PIK3AP1: variants seen among roughly 807,000 people sequenced by gnomAD.
The protein encoded by PIK3AP1 is phosphoinositide-3-kinase adaptor protein 1.
In PIK3AP1, 21 loss-of-function variants were observed where a neutral mutation model predicts 88.1. The ratio of observed to expected loss-of-function variants is 0.24; its 90% confidence interval spans 0.17 to 0.34. The LOEUF (loss-of-function observed/expected upper bound fraction) is 0.34, where lower values mean the gene tolerates loss of function less well. PIK3AP1 is among the 10% of genes least tolerant of loss of function. The probability of loss-of-function intolerance (pLI) is 1.00; values close to 1 mark genes in which losing one functional copy is unlikely to be tolerated. For missense variants in PIK3AP1, 828 were observed against 1,035.7 expected (o/e 0.80, Z 2.75); for synonymous variants, 398 against 400.0 (o/e 1.00, Z 0.06).
chr10:96,720,507 G>A lies in PIK3AP1; in HGVS notation c.-113C>T. 1 of 986,012 alleles carries A rather than the reference G, an allele frequency of 1.0e-6. No homozygotes were observed. The highest frequency in any genetic ancestry group is 1.3e-6 in the Non-Finnish European group (1 of 778,278). 61.1% of individuals were successfully genotyped at this position (986,012 alleles called of 1,614,324 possible). A position where few individuals can be genotyped will look rare whatever the true frequency, so the allele number is the denominator to read the frequency against. On this transcript the variant is annotated 5_prime_UTR_variant, in exon 1 of 17. Transcript: ENST00000339364. The surrounding 1 kb of genome is among the most constrained non-coding windows in gnomAD (Gnocchi z 4.6). The stretch of plus-strand genomic sequence containing the variant: ...CGCCGGGCTCCGCGCGGGACCGGCC[G>A]CCGCTCTGGCGCTTCCTCCCTCAGG...
chr10:96,707,498 T>C (rs907908624), intron 2 of PIK3AP1, among the ~76,000 whole-genome samples: 7 of 152,150 alleles, frequency 4.6e-5, no homozygotes, highest in African/African-American at 1.7e-4. Context: ...TTTCACCATA[T>C]TGGCCAGGCT....
chr10:96,594,309 G>A lies in PIK3AP1; in HGVS notation c.*1268C>T, dbSNP rs1812073662. On this transcript the variant is annotated 3_prime_UTR_variant, in exon 17 of 17. Coordinates refer to ENST00000339364, the MANE Select transcript of PIK3AP1 (RefSeq NM_152309.3). The surrounding 1 kb of genome is among the most constrained non-coding windows in gnomAD (Gnocchi z 4.6). The stretch of plus-strand genomic sequence containing the variant: ...ATGCTCAAGTCCCATATATAAAATA[G>A]CATAGTATTTGCATATAACCTATGC... The A allele has an allele frequency of 6.6e-6, 1 of 152,184 alleles. No homozygotes were observed. The highest frequency in any genetic ancestry group is 1.5e-5 in the Non-Finnish European group (1 of 68,038). 9.4% of individuals were successfully genotyped at this position (152,184 alleles called of 1,614,324 possible). A position where few individuals can be genotyped will look rare whatever the true frequency, so the allele number is the denominator to read the frequency against.
intron 9 of PIK3AP1, among the ~76,000 whole-genome samples, 164 bp from the exon 10 acceptor site, chr10:96,627,069 C>A (rs1007148153): frequency 2.6e-5 from 4 of 152,256 alleles, no homozygotes; most frequent in African/African-American, 9.6e-5. Flanking sequence ...GAACACCACA[C>A]AAAGCAACTG....
At chr10:96,679,659 ATT>A (rs1843973400) in intron 2 of PIK3AP1, among the ~76,000 whole-genome samples, 1 of 152,216 alleles carries the variant, frequency 6.6e-6, no homozygotes, top group Admixed American at 6.5e-5. Flanking sequence ...CATTAAGGAC[ATT>A]TATCTCCTGG....
At chr10:96,603,786 C>G in intron 15 of PIK3AP1, 193 bp downstream of exon 15, 4 of 547,770 alleles carry the variant, frequency 7.3e-6, no homozygotes, top group Non-Finnish European at 1.3e-5. Flanking sequence ...TCTTCCCATT[C>G]CTCCTCCCTC....
intron 1 of PIK3AP1, among the ~76,000 whole-genome samples, chr10:96,716,988 G>A (rs1202950704): frequency 6.6e-6 from 1 of 152,070 alleles, no homozygotes; most frequent in Non-Finnish European, 1.5e-5. Context: ...AGGGCCGAGC[G>A]TGGTGGCTCA....
At chr10:96,658,537 C>G (rs534812539) in intron 2 of PIK3AP1, among the ~76,000 whole-genome samples, 1 of 152,272 alleles carries the variant, frequency 6.6e-6, no homozygotes, top group South Asian at 2.1e-4. Context: ...GACCCTGACC[C>G]CTGGCCTACT....
chr10:96,671,261 A>G (rs1843842118), intron 2 of PIK3AP1, among the ~76,000 whole-genome samples: 1 of 152,212 alleles, frequency 6.6e-6, no homozygotes, highest in Admixed American at 6.5e-5. Flanking sequence ...GTTGGAGGTG[A>G]GAGGCTTGCA....
At chr10:96,666,224 C>T (rs763189268) in intron 2 of PIK3AP1, among the ~76,000 whole-genome samples, 20 of 152,044 alleles carry the variant, frequency 1.3e-4, no homozygotes, top group Non-Finnish European at 1.8e-4. Context: ...TCGAGACCAT[C>T]CTGGCTAACA....
chr10:96,632,408 T>A (rs1204965104), intron 8 of PIK3AP1, among the ~76,000 whole-genome samples: 1 of 73,042 alleles, frequency 1.4e-5, no homozygotes, highest in Middle Eastern at 5.7e-3. Context: ...TTCAAAATAA[T>A]TTTTTTTTTT....
rs1352093183 is a variant in PIK3AP1, at chr10:96,601,460, C to T, written c.2360+820G>A. 9.3e-5 allele frequency among the ~76,000 whole-genome samples: 3 copies of T among 32,158 alleles called. No individual in the cohort carries two copies. The East Asian group carries it at 2.5e-3, about 27-fold the overall frequency. 21.1% of individuals were successfully genotyped at this position (32,158 alleles called of 152,430 possible). On this transcript the variant is annotated intron_variant, in intron 16 of 16. Transcript: ENST00000339364. ...CTGCACTCCAGCCTGGGTAACAGAACAAGAATCTATCTCAAAAAAAAAAAA... is the reference window on the plus strand; with the variant it reads ...CTGCACTCCAGCCTGGGTAACAGAATAAGAATCTATCTCAAAAAAAAAAAA...
At chr10:96,618,637 T>C (rs1177897134) in intron 12 of PIK3AP1, 1 of 152,394 alleles carries the variant, frequency 6.6e-6, no homozygotes, top group Admixed American at 6.5e-5. Context: ...ATTTATTATG[T>C]ATTTACTACG....
intron 2 of PIK3AP1, among the ~76,000 whole-genome samples, chr10:96,669,312 G>A (rs544314328): frequency 6.6e-6 from 1 of 152,182 alleles, no homozygotes; most frequent in East Asian, 1.9e-4. Flanking sequence ...TCAAAGCCCC[G>A]AATAAAATGT....
intron 3 of PIK3AP1, among the ~76,000 whole-genome samples, chr10:96,653,850 A>G (rs574898376): frequency 5.3e-5 from 8 of 152,360 alleles, no homozygotes; most frequent in African/African-American, 1.9e-4. Context: ...TAATGAAATC[A>G]TTGGTCCATT....
chr10:96,703,791 C>T (rs1268238491), intron 2 of PIK3AP1, among the ~76,000 whole-genome samples: 1 of 152,138 alleles, frequency 6.6e-6, no homozygotes, highest in African/African-American at 2.4e-5. Flanking sequence ...CGGGAATTTG[C>T]CATCTTCTTA....
chr10:96,649,079 C>T (rs1843500545), intron 6 of PIK3AP1, among the ~76,000 whole-genome samples: 1 of 152,156 alleles, frequency 6.6e-6, no homozygotes, highest in Non-Finnish European at 1.5e-5. Flanking sequence ...TGGAGTCTCA[C>T]TCTGTCACCC....
chr10:96,708,823 C>T (rs1396059127), intron 2 of PIK3AP1, among the ~76,000 whole-genome samples: 3 of 151,894 alleles, frequency 2.0e-5, no homozygotes, highest in Non-Finnish European at 4.4e-5. Context: ...TCTCTATAAA[C>T]ATGTTATCGA....
chr10:96,666,472 T>C (rs947361385), intron 2 of PIK3AP1, among the ~76,000 whole-genome samples: 20 of 151,994 alleles, frequency 1.3e-4, no homozygotes, highest in African/African-American at 4.4e-4. Context: ...TTAAACAACA[T>C]CAAAATCATT....
At chr10:96,684,087 A>G (rs1844037647) in intron 2 of PIK3AP1, among the ~76,000 whole-genome samples, 1 of 152,230 alleles carries the variant, frequency 6.6e-6, no homozygotes, top group Non-Finnish European at 1.5e-5. Context: ...CTTAGGAGAT[A>G]GGGCTGAATT....
Sources: allele counts gnomAD v4.1 joint callset (sites outside exome capture counted in the v4.1 genomes callset), GRCh38; gene constraint gnomAD v4.1.1; non-coding constraint Gnocchi (gnomAD v3.1); transcripts MANE v1.5; gene names NCBI Gene and HGNC (gene_info 2026-07-23, HGNC 2026-07-21).